NRG1: variants seen among roughly 807,000 people sequenced by gnomAD.
NRG1 encodes neuregulin 1, also known as pro-neuregulin-1, membrane-bound isoform.
NRG1 carries 18 observed loss-of-function variants against 63.8 expected under a neutral mutation model. That is an observed-to-expected ratio of 0.28 (90% CI 0.19 to 0.42). The LOEUF (loss-of-function observed/expected upper bound fraction) is 0.42, where lower values mean the gene tolerates loss of function less well. Among genes scored for constraint, NRG1 ranks in the 10% least tolerant of loss-of-function variants. The pLI, the probability that NRG1 is intolerant of heterozygous loss-of-function variation, is 1.00. For missense variants in NRG1, 762 were observed against 814.7 expected, an observed-to-expected ratio of 0.94 and a Z score of 0.79; for synonymous variants, 302 against 301.3, an observed-to-expected ratio of 1.00 and a Z score of -0.02.
intron 7 of NRG1, chr8:32,748,534 G>T: frequency 4.9e-6 from 1 of 202,102 alleles, no homozygotes. Flanking sequence ...CTTCCTCAAT[G>T]GAGCCTCTGC....
chr8:32,087,421 G>A (rs1239941884), intron 1 of NRG1, among the ~76,000 whole-genome samples: 4 of 150,156 alleles, frequency 2.7e-5, no homozygotes, highest in Admixed American at 2.7e-4. Flanking sequence ...ATGCAGGACT[G>A]TGAATCAATT....
chr8:32,382,556 T>C (rs142907556), intron 1 of NRG1, among the ~76,000 whole-genome samples: 1 of 152,306 alleles, frequency 6.6e-6, no homozygotes, highest in East Asian at 1.9e-4. Context: ...AAGATTAAGG[T>C]TTGCAAATCC....
intron 1 of NRG1, among the ~76,000 whole-genome samples, chr8:32,171,709 T>C (rs1266908871): frequency 6.6e-6 from 1 of 152,180 alleles, no homozygotes; most frequent in East Asian, 1.9e-4. Flanking sequence ...ATCCCACGCA[T>C]GGCTTGGAGG....
chr8:31,811,193 C>G (rs1822850504), intron 1 of NRG1, among the ~76,000 whole-genome samples: 2 of 152,158 alleles, frequency 1.3e-5, no homozygotes, highest in South Asian at 4.1e-4. Context: ...CATAATTATC[C>G]TGGTTACTGC....
chr8:32,634,367 G>A (rs1013908373), intron 5 of NRG1, among the ~76,000 whole-genome samples: 1 of 152,098 alleles, frequency 6.6e-6, no homozygotes, highest in Non-Finnish European at 1.5e-5. Context: ...TGAGTTTGTG[G>A]CATGCCTTCT....
In NRG1 at chr8:32,084,583, G is replaced by A. The variant is rs185856711; in HGVS notation, c.37+445152G>A. ...TTTTTAAAAAAAATTCTTAAGAGAT[G>A]CCATGTGTTACTTAAAGATGTTTTG... is the stretch of plus-strand genomic sequence containing the variant. On this transcript the variant is annotated intron_variant, in intron 1 of 10. Coordinates refer to the NRG1 transcript ENST00000519301. Among the ~76,000 whole-genome samples, 92 of 152,274 alleles carry A rather than the reference G, an allele frequency of 6.0e-4. 1 individual carries two copies. Among genetic ancestry groups the A allele is most frequent in the Non-Finnish European group, 1.2e-3 (79 of 68,022 alleles).
At chr8:32,746,953 A>T (rs1827558037) in intron 7 of NRG1, among the ~76,000 whole-genome samples, 1 of 149,906 alleles carries the variant, frequency 6.7e-6, no homozygotes, top group Admixed American at 6.7e-5. Context: ...CTCTGGGTCT[A>T]GTATGACTGA....
At chr8:31,926,476 G>A (rs1834365428) in intron 1 of NRG1, among the ~76,000 whole-genome samples, 1 of 152,048 alleles carries the variant, frequency 6.6e-6, no homozygotes, top group Non-Finnish European at 1.5e-5. Context: ...GTTGTTATAA[G>A]TACTAGTATG....
chr8:32,523,436 T>C (rs1436454018), intron 1 of NRG1, among the ~76,000 whole-genome samples: 1 of 152,232 alleles, frequency 6.6e-6, no homozygotes, highest in East Asian at 1.9e-4. Flanking sequence ...TTTAATGGAG[T>C]TAGCGTTGCT....
chr8:31,732,149 C>T (rs1433204955), intron 1 of NRG1, among the ~76,000 whole-genome samples: 1 of 152,040 alleles, frequency 6.6e-6, no homozygotes, highest in Non-Finnish European at 1.5e-5. Flanking sequence ...AGACCTTTCT[C>T]ACTCCTCTTC....
chr8:32,311,134 G>T lies in NRG1; in HGVS notation c.38-284694G>T, dbSNP rs572917500. 3.2e-4 allele frequency among the ~76,000 whole-genome samples: 49 copies of T among 152,220 alleles called. 1 individual carries two copies. The highest frequency in any genetic ancestry group is 9.9e-4 in the African/African-American group (41 of 41,536). ...AACGACTATGCCATTCACTCATTCA[G>T]TCATTCATTCATTCATTCAACAAAG... is the stretch of plus-strand genomic sequence containing the variant. On this transcript the variant is annotated intron_variant, in intron 1 of 10. Coordinates refer to the NRG1 transcript ENST00000519301.
At chr8:31,836,811 C>A (rs964747378) in intron 1 of NRG1, among the ~76,000 whole-genome samples, 1 of 152,056 alleles carries the variant, frequency 6.6e-6, no homozygotes, top group Admixed American at 6.5e-5. Flanking sequence ...AATGAATGCA[C>A]TAGGTCAAAT....
At chr8:31,704,516 T>C (rs2131209234) in intron 1 of NRG1, among the ~76,000 whole-genome samples, 1 of 152,200 alleles carries the variant, frequency 6.6e-6, no homozygotes, top group Non-Finnish European at 1.5e-5. Context: ...ACTCATGACA[T>C]TTTTTGGGGG....
intron 1 of NRG1, among the ~76,000 whole-genome samples, chr8:31,813,516 C>CTTTTCTTTTTTTTTTTT: frequency 9.9e-5 from 10 of 101,210 alleles, no homozygotes; most frequent in African/African-American, 3.3e-4. Flanking sequence ...CTTTTCTTTT[C>CTTTTCTTTTTTTTTTTT]TTTTTTTTTT....
At chr8:32,639,864 C>T (rs1852003789) in intron 5 of NRG1, among the ~76,000 whole-genome samples, 3 of 152,144 alleles carry the variant, frequency 2.0e-5, no homozygotes, top group Admixed American at 6.5e-5. Flanking sequence ...TTATATTAAA[C>T]CGACATTGGT....
intron 6 of NRG1, among the ~76,000 whole-genome samples, chr8:32,734,226 A>G (rs920678978): frequency 6.6e-6 from 1 of 152,192 alleles, no homozygotes; most frequent in Non-Finnish European, 1.5e-5. Flanking sequence ...CATTTTATAA[A>G]ATACTGACAT....
intron 1 of NRG1, among the ~76,000 whole-genome samples, chr8:31,842,105 G>T (rs1258220009): frequency 6.6e-6 from 1 of 152,198 alleles, no homozygotes; most frequent in Non-Finnish European, 1.5e-5. Flanking sequence ...GTGCAAACTG[G>T]AAGTGATTGA....
At chr8:32,631,875 C>A (rs963278188) in intron 5 of NRG1, among the ~76,000 whole-genome samples, 4 of 152,080 alleles carry the variant, frequency 2.6e-5, no homozygotes, top group African/African-American at 9.7e-5. Context: ...GCAGAATTCG[C>A]TGGCTTTTTG....
At chr8:32,647,242 T>C (rs1186201068) in intron 5 of NRG1, 3 of 985,236 alleles carry the variant, frequency 3.0e-6, no homozygotes, top group Admixed American at 6.2e-5. Flanking sequence ...CTGCCGCCGC[T>C]GCTGCTGCCG....
Sources: gnomAD v4.1 joint callset for allele counts (sites outside exome capture counted in the v4.1 genomes callset) on GRCh38, gnomAD v4.1.1 for gene constraint, MANE v1.5 for transcripts, NCBI Gene and HGNC (gene_info 2026-07-23, HGNC 2026-07-21) for gene names.